The following MARCHF5 variants were observed in gnomAD, a reference collection of about 807,000 sequenced individuals.
MARCHF5 encodes E3 ubiquitin-protein ligase MARCHF5.
MARCHF5 carries 5 observed loss-of-function variants against 36.5 expected under a neutral mutation model. The observed-to-expected ratio is 0.14, with a 90% CI of 0.07 to 0.29. MARCHF5 has a LOEUF of 0.29. MARCHF5 is among the 10% of genes least tolerant of loss of function. MARCHF5 has a pLI of 1.00. For missense variants in MARCHF5, 179 were observed against 336.3 expected (o/e 0.53, Z 3.66); for synonymous variants, 103 against 109.9 (o/e 0.94, Z 0.39).
chr10:92,352,735 T>C lies in MARCHF5; in HGVS notation c.*1528T>C, dbSNP rs571119854. 7.2e-5 allele frequency: 11 copies of C among 152,760 alleles called. No homozygotes were observed. The East Asian group carries it at 1.9e-3, about 27-fold the overall frequency. 9.5% of individuals were successfully genotyped at this position (152,760 alleles called of 1,614,324 possible). A position where few individuals can be genotyped will look rare whatever the true frequency, so the allele number is the denominator to read the frequency against. ...GTATGAATGTCTTAATTTTGAGTTA[T>C]ATGATGTTTATTTGAATGACTGTTG... On this transcript the variant is annotated 3_prime_UTR_variant, in exon 6 of 6. Transcript: ENST00000358935.
chr10:92,316,800 C>G (rs2135191544), intron 2 of MARCHF5, among the ~76,000 whole-genome samples: 1 of 151,926 alleles, frequency 6.6e-6, no homozygotes, highest in African/African-American at 2.4e-5. Flanking sequence ...TCAAGGGATC[C>G]CCCTCCCAAA....
chr10:92,338,981 G>A (rs1338237398), intron 2 of MARCHF5, among the ~76,000 whole-genome samples: 6 of 151,278 alleles, frequency 4.0e-5, no homozygotes, highest in Non-Finnish European at 4.4e-5. Flanking sequence ...GGAGGCGGAG[G>A]TTGTAGTGAG....
Position 92,352,531 on chromosome 10 carries a change from AT to A in MARCHF5, c.*1329del, listed in dbSNP as rs1843728525. On this transcript the variant is annotated 3_prime_UTR_variant, in exon 6 of 6. Transcript: ENST00000358935. Reference sequence around the variant, plus strand: ...GGTTATTTTTGTTAATTAAAATTAAATTTTTAAGAGATATTTTCAAAACCCT... The same window carrying A: ...GGTTATTTTTGTTAATTAAAATTAAATTTTAAGAGATATTTTCAAAACCCT... The A allele has an allele frequency of 6.6e-6, 1 of 152,174 alleles. No individual in the cohort carries two copies. The highest frequency in any genetic ancestry group is 2.4e-5 in the African/African-American group (1 of 41,444). The allele number at this position is 152,174 out of a possible 1,614,324, so 9.4% of individuals were successfully genotyped here. A position where few individuals can be genotyped will look rare whatever the true frequency, so the allele number is the denominator to read the frequency against.
chr10:92,346,291 T>C (rs1843643237), intron 3 of MARCHF5, among the ~76,000 whole-genome samples: 1 of 152,128 alleles, frequency 6.6e-6, no homozygotes, highest in Non-Finnish European at 1.5e-5. Flanking sequence ...TGGTTTGATT[T>C]TCTCTCACTT....
intron 1 of MARCHF5, among the ~76,000 whole-genome samples, chr10:92,295,830 AATACATATACATACGT>A (rs1478892910): frequency 6.6e-6 from 1 of 152,112 alleles, no homozygotes; most frequent in East Asian, 1.9e-4. Context: ...AGGTGGAAAG[AATACATATACATACGT>A]ATATATATAC....
At chr10:92,308,899 G>T (rs555023014) in intron 1 of MARCHF5, among the ~76,000 whole-genome samples, 5 of 152,126 alleles carry the variant, frequency 3.3e-5, no homozygotes, top group East Asian at 1.9e-4. Flanking sequence ...TAGAGACAGG[G>T]TTTCACCGTG....
chr10:92,326,623 G>T (rs1843363499), intron 2 of MARCHF5, among the ~76,000 whole-genome samples: 2 of 152,122 alleles, frequency 1.3e-5, no homozygotes, highest in Non-Finnish European at 2.9e-5. Context: ...CACTAGAATT[G>T]AAAGACAAGT....
chr10:92,305,834 G>A (rs747509117), intron 1 of MARCHF5, among the ~76,000 whole-genome samples: 6 of 152,134 alleles, frequency 3.9e-5, no homozygotes, highest in Non-Finnish European at 8.8e-5. Flanking sequence ...GGAGGCGGAG[G>A]TGGGAGGATC....
intron 1 of MARCHF5, among the ~76,000 whole-genome samples, chr10:92,308,834 A>T (rs554965944): frequency 1.3e-5 from 2 of 151,516 alleles, no homozygotes; most frequent in African/African-American, 4.9e-5. Context: ...CCTCCTGAGT[A>T]GCTGGGACTG....
intron 2 of MARCHF5, among the ~76,000 whole-genome samples, chr10:92,312,268 G>A (rs548142163): frequency 4.6e-5 from 7 of 152,308 alleles, no homozygotes; most frequent in African/African-American, 1.7e-4. Flanking sequence ...TGCAGATAAT[G>A]AAGTGCTTTT....
rs1175759434 is a variant in MARCHF5 at position 92,353,521 on chromosome 10, A to G, written c.*2314A>G. ...CTTAGGCTCAAAATCGCCCCTACAA[A>G]GCAGTAGTTGTTTCTTAATTGCTAA... On this transcript the variant is annotated 3_prime_UTR_variant, in exon 6 of 6. Coordinates refer to ENST00000358935, the MANE Select transcript of MARCHF5 (RefSeq NM_017824.5). The G allele has an allele frequency of 6.6e-6, 1 of 152,230 alleles. No homozygotes were observed. The highest frequency in any genetic ancestry group is 1.9e-4 in the East Asian group (1 of 5,198). 9.4% of individuals were successfully genotyped at this position (152,230 alleles called of 1,614,324 possible).
At chr10:92,292,006 G>T (rs2135167739) in intron 1 of MARCHF5, among the ~76,000 whole-genome samples, 1 of 151,956 alleles carries the variant, frequency 6.6e-6, no homozygotes, top group East Asian at 1.9e-4. Flanking sequence ...CACTTTCCCT[G>T]AACCCGCACC....
intron 3 of MARCHF5, among the ~76,000 whole-genome samples, chr10:92,347,484 A>G (rs1313384415): frequency 1.5e-5 from 1 of 67,492 alleles, no homozygotes; most frequent in Non-Finnish European, 3.3e-5. Context: ...ATAGATAGAT[A>G]GATAGATAGA....
rs1305792007 is a variant in MARCHF5, at chr10:92,351,197, A to G, written c.827A>G (p.Glu276Gly). 9 of 1,603,208 alleles carry G rather than the reference A, an allele frequency of 5.6e-6. No homozygotes were observed. ...AAAATTCTGAATTATCCAGAACAAGAAGAAGCATAAAACTGACTTCTGGTT... is the reference window on the plus strand; with the variant it reads ...AAAATTCTGAATTATCCAGAACAAGGAGAAGCATAAAACTGACTTCTGGTT... ...HRKILNYPEQ[E>G]EA The change falls in exon 6 of 6, where the codon GAA becomes GGA. Residue 276 changes from glutamate (E) to glycine (G), a missense_variant. Coordinates refer to ENST00000358935, the MANE Select transcript of MARCHF5 (RefSeq NM_017824.5).
At chr10:92,345,427 C>A (rs1469430814) in intron 3 of MARCHF5, among the ~76,000 whole-genome samples, 3 of 152,110 alleles carry the variant, frequency 2.0e-5, no homozygotes, top group Non-Finnish European at 2.9e-5. Context: ...ATCGCTTGAA[C>A]CTGGGAGGCA....
At chr10:92,292,540 C>G (rs1360456844) in intron 1 of MARCHF5, among the ~76,000 whole-genome samples, 1 of 152,164 alleles carries the variant, frequency 6.6e-6, no homozygotes, top group Admixed American at 6.5e-5. Context: ...GCTTTTGGGC[C>G]TGCCACACCC....
intron 2 of MARCHF5, among the ~76,000 whole-genome samples, chr10:92,333,053 G>A (rs937158223): frequency 3.3e-5 from 5 of 151,594 alleles, no homozygotes; most frequent in Non-Finnish European, 7.4e-5. Context: ...CCAGCTACTC[G>A]GGAGGCTGAG....
chr10:92,299,225 G>T (rs966678845), intron 1 of MARCHF5, among the ~76,000 whole-genome samples: 14 of 151,948 alleles, frequency 9.2e-5, no homozygotes, highest in African/African-American at 3.1e-4. Flanking sequence ...GGTCCAGTTT[G>T]GCCTACAGAG....
chr10:92,340,927 G>A (rs1843570830), intron 3 of MARCHF5, 124 bp downstream of exon 3: 1 of 870,900 alleles, frequency 1.1e-6, no homozygotes, highest in Non-Finnish European at 1.6e-6. Flanking sequence ...CTTTCTAAAT[G>A]TTATTTCCCC....
Sources: allele counts gnomAD v4.1 joint callset (sites outside exome capture counted in the v4.1 genomes callset), GRCh38; gene constraint gnomAD v4.1.1; transcripts MANE v1.5; gene names NCBI Gene and HGNC (gene_info 2026-07-23, HGNC 2026-07-21).